The following ZNF182 variants were observed in gnomAD, a reference collection of about 807,000 sequenced individuals.
ZNF182 encodes zinc finger protein 182.
Under a neutral mutation model 28.1 loss-of-function variants are expected in ZNF182, and 10 were observed. The observed-to-expected ratio is 0.36, with a 90% CI of 0.22 to 0.60. The LOEUF is 0.60. ZNF182 is among the 20% of genes least tolerant of loss of function. ZNF182 has a pLI of 0.75. For missense variants in ZNF182, 352 were observed against 453.2 expected (o/e 0.78, Z 2.03); for synonymous variants, 156 against 158.7 (o/e 0.98, Z 0.13).
chrX:47,984,816 A>C (rs1362361309), intron 3 of ZNF182, among the ~76,000 whole-genome samples: 2 of 112,097 alleles, frequency 1.8e-5, no homozygotes, highest in Non-Finnish European at 3.8e-5. Context: ...AAATTAAAAC[A>C]AAGTGGGCAA....
At chrX:47,983,262 T>C (rs1556899360) in intron 4 of ZNF182, 23 bp downstream of exon 4, 1 of 1,210,526 alleles carries the variant, frequency 8.3e-7, no homozygotes, top group Non-Finnish European at 1.1e-6. Flanking sequence ...AACTGCAAAA[T>C]TACCTAAGGA....
At chrX:48,000,896 G>A (rs1376578826) in intron 3 of ZNF182, among the ~76,000 whole-genome samples, 2 of 111,657 alleles carry the variant, frequency 1.8e-5, no homozygotes, top group African/African-American at 6.5e-5. Context: ...TTGAAAAATG[G>A]GCGGAAACTT....
chrX:47,977,517 C>T lies in ZNF182; in HGVS notation c.513G>A (p.Leu171=). ...TTTTCTCATACTCAGTATGGAAGAA[C>T]AATTTTGCACATCCATTATCATATT... ...ENKYDNGCAK[L]FFHTEYEKTN... Residue 171 remains leucine (L), a synonymous_variant, in exon 6 of 6, where the codon TTG becomes TTA. Coordinates refer to ENST00000376943, the MANE Select transcript of ZNF182 (RefSeq NM_001007088.2). 1 of 1,210,395 alleles carries T rather than the reference C, an allele frequency of 8.3e-7. No homozygotes were observed. The highest frequency in any genetic ancestry group is 1.1e-6 in the Non-Finnish European group (1 of 895,077).
At chrX:47,978,678 G>T (rs965745714) in intron 5 of ZNF182, among the ~76,000 whole-genome samples, 1 of 111,979 alleles carries the variant, frequency 8.9e-6, no homozygotes, top group African/African-American at 3.2e-5. Context: ...CCTTCTTCAT[G>T]TTCCATCACC....
intron 3 of ZNF182, among the ~76,000 whole-genome samples, chrX:47,986,117 G>A (rs1556899777): frequency 8.9e-6 from 1 of 112,224 alleles, no homozygotes; most frequent in Non-Finnish European, 1.9e-5. Context: ...AAATGGCCCA[G>A]ACTCTTCAGG....
At chrX:47,991,327 G>A (rs1457990894) in intron 3 of ZNF182, among the ~76,000 whole-genome samples, 1 of 111,666 alleles carries the variant, frequency 9.0e-6, no homozygotes, top group Non-Finnish European at 1.9e-5. Context: ...CTGGTGCCTT[G>A]ATCCTGGACT....
intron 5 of ZNF182, among the ~76,000 whole-genome samples, chrX:47,980,583 CTAAAAG>C (rs1255078032): frequency 9.9e-5 from 11 of 111,253 alleles, no homozygotes; most frequent in Middle Eastern, 4.7e-3. Context: ...TATGTGTCAA[CTAAAAG>C]TAAAACTTTT....
chrX:47,989,646 A>C (rs1556900234), intron 3 of ZNF182, among the ~76,000 whole-genome samples: 1 of 112,135 alleles, frequency 8.9e-6, no homozygotes, highest in Non-Finnish European at 1.9e-5. Context: ...TTAAAATATA[A>C]AGAATATACA....
At chrX:48,002,556 A>G (rs1354314141) in intron 3 of ZNF182, 39 bp downstream of exon 3, 1 of 1,204,329 alleles carries the variant, frequency 8.3e-7, no homozygotes. Context: ...TCACATCCAC[A>G]GTAAAATAGA....
intron 3 of ZNF182, among the ~76,000 whole-genome samples, chrX:47,997,838 A>G (rs1170393884): frequency 9.0e-6 from 1 of 111,359 alleles, no homozygotes; most frequent in African/African-American, 3.3e-5. Context: ...ACACTCCTAA[A>G]AGTGTATGCA....
rs993450002 is a variant in ZNF182, at chrX:47,997,558, C to T, written c.15+5037G>A. On this transcript the variant is annotated intron_variant, in intron 3 of 5. Coordinates refer to ENST00000376943, the MANE Select transcript of ZNF182 (RefSeq NM_001007088.2). Reference sequence around the variant, plus strand: ...TTGTAATCCCAGCACTTTGGGAGGCCGAGGCGGGCAGATCACTTGAGGCCA... The same window carrying T: ...TTGTAATCCCAGCACTTTGGGAGGCTGAGGCGGGCAGATCACTTGAGGCCA... Among the ~76,000 whole-genome samples, 3 of 110,566 alleles carry T rather than the reference C, an allele frequency of 2.7e-5. No homozygotes were observed. The East Asian group carries it at 8.6e-4, about 32-fold the overall frequency.
In ZNF182 at chrX:47,981,793, G is replaced by A. The variant is rs782754270; in HGVS notation, c.232+1156C>T. ...CATGCACCTGTAGTCCCAGCTACTC[G>A]GGAGGCTGAGGCAGGAAAATTGCTT... On this transcript the variant is annotated intron_variant, in intron 5 of 5. Transcript: ENST00000376943. Among the ~76,000 whole-genome samples the A allele has an allele frequency of 9.1e-5, 10 of 109,671 alleles. No individual in the cohort carries two copies. The South Asian group carries it at 2.0e-3, about 22-fold the overall frequency.
chrX:47,994,063 G>T (rs2058950370), intron 3 of ZNF182, among the ~76,000 whole-genome samples: 2 of 111,668 alleles, frequency 1.8e-5, no homozygotes, highest in South Asian at 7.4e-4. Flanking sequence ...TTCATGCCAA[G>T]CCATGGCAAA....
intron 3 of ZNF182, among the ~76,000 whole-genome samples, chrX:47,988,976 C>T (rs2058932250): frequency 8.9e-6 from 1 of 112,156 alleles, no homozygotes; most frequent in South Asian, 3.7e-4. Flanking sequence ...GATAATAATA[C>T]TAATTGGTGA....
chrX:48,000,289 C>T (rs971322986), intron 3 of ZNF182, among the ~76,000 whole-genome samples: 2 of 111,350 alleles, frequency 1.8e-5, no homozygotes, highest in Non-Finnish European at 3.8e-5. Flanking sequence ...GAGCCGGGCG[C>T]GGTGGCTCAT....
intron 3 of ZNF182, among the ~76,000 whole-genome samples, chrX:47,985,879 C>G (rs1248299263): frequency 9.0e-6 from 1 of 111,555 alleles, no homozygotes; most frequent in Non-Finnish European, 1.9e-5. Flanking sequence ...CACCTGGCTA[C>G]TTTGGGCTCC....
rs1556898061 is a variant in ZNF182, at chrX:47,976,225, G to A, written c.1805C>T (p.Ala602Val). ...SNLIVHQRTH[A>V]GKKAHGRGHT... ...GCCTCTTCCATGGGCTTTCTTTCCT[G>A]CATGGGTTCGCTGATGTACAATAAG... The change falls in exon 6 of 6, where the codon GCA (alanine) becomes GTA (valine). Residue 602 changes from alanine (A) to valine (V), a missense_variant. Coordinates refer to ENST00000376943, the MANE Select transcript of ZNF182 (RefSeq NM_001007088.2). 8.5e-7 allele frequency: 1 copy of A among 1,182,015 alleles called. No individual in the cohort carries two copies. The highest frequency in any genetic ancestry group is 1.1e-6 in the Non-Finnish European group (1 of 883,977).
chrX:47,979,127 T>C (rs1310819080), intron 5 of ZNF182, among the ~76,000 whole-genome samples: 1 of 112,318 alleles, frequency 8.9e-6, no homozygotes, highest in Non-Finnish European at 1.9e-5. Context: ...TTTTCAAGCA[T>C]AGAAAAAGTT....
chrX:47,979,346 AC>A (rs1400937112), intron 5 of ZNF182, among the ~76,000 whole-genome samples: 2 of 111,267 alleles, frequency 1.8e-5, no homozygotes, highest in African/African-American at 3.3e-5. Context: ...TCTCCATGGG[AC>A]CCAAGCTCCA....
Sources: allele counts gnomAD v4.1 joint callset (sites outside exome capture counted in the v4.1 genomes callset), GRCh38; gene constraint gnomAD v4.1.1; transcripts MANE v1.5; gene names NCBI Gene and HGNC (gene_info 2026-07-23, HGNC 2026-07-21).